The following RAB3GAP2 variants were observed in gnomAD, a reference collection of about 807,000 sequenced individuals.
RAB3GAP2 encodes the protein rab3 GTPase-activating protein non-catalytic subunit.
In RAB3GAP2, 87 loss-of-function variants were observed where a neutral mutation model predicts 185.3. The observed-to-expected ratio is 0.47, with a 90% confidence interval of 0.39 to 0.56. The LOEUF is 0.56. RAB3GAP2 is among the 20% of genes least tolerant of loss of function. RAB3GAP2 has a pLI of 0.00. For missense variants in RAB3GAP2, 1,492 were observed against 1,638.2 expected, an observed-to-expected ratio of 0.91 and a Z score of 1.54; for synonymous variants, 554 against 576.1, an observed-to-expected ratio of 0.96 and a Z score of 0.55.
In RAB3GAP2 at chr1:220,212,987, CAT is replaced by C; in HGVS notation, c.305-21_305-20del. The C allele has an allele frequency of 6.4e-7, 1 of 1,561,760 alleles. No individual in the cohort carries two copies. The highest frequency in any genetic ancestry group is 1.4e-5 in the African/African-American group (1 of 72,962). On this transcript the variant is annotated intron_variant, in intron 3 of 34. Transcript: ENST00000358951. ...CATTTTGCTGTAAGAATTAAGATAT[CAT>C]ATAAAATAATTTTAGCTATAATACA...
chr1:220,201,511 C>T (rs1658857329), intron 9 of RAB3GAP2, among the ~76,000 whole-genome samples: 1 of 151,874 alleles, frequency 6.6e-6, no homozygotes, highest in African/African-American at 2.4e-5. Context: ...TTTTGTTTTG[C>T]TTTCTTGAGA....
chr1:220,202,293 A>G lies in RAB3GAP2; in HGVS notation c.794T>C (p.Ile265Thr), dbSNP rs1364725538. 1 of 1,613,764 alleles carries G rather than the reference A, an allele frequency of 6.2e-7. No individual in the cohort carries two copies. The highest frequency in any genetic ancestry group is 1.7e-5 in the Admixed American group (1 of 60,004). ...ATACTTACCAACACTAGCATGATCA[A>G]TAATAGTGTCAATATCTTGTAGACC... The part of the protein sequence containing the change: ...KWGLQDIDTI[I>T]DHASVGIMTL... Residue 265 changes from isoleucine (I) to threonine (T), a missense_variant, in exon 9 of 35, where the codon ATT becomes ACT. By Grantham distance (89) the Ile-to-Thr change is moderately conservative. This residue lies in a region of RAB3GAP2 where 243 missense variants were observed against 314.8 expected (regional missense o/e 0.77). Transcript: ENST00000358951.
chr1:220,149,989 G>A lies in RAB3GAP2; in HGVS notation c.*1262C>T, dbSNP rs1657716019. 6.6e-6 allele frequency: 1 copy of A among 151,936 alleles called. No individual in the cohort carries two copies. Among genetic ancestry groups the A allele is most frequent in the Non-Finnish European group, 1.5e-5 (1 of 68,008 alleles). The allele number at this position is 151,936 out of a possible 1,614,324, so 9.4% of individuals were successfully genotyped here. A position where few individuals can be genotyped will look rare whatever the true frequency, so the allele number is the denominator to read the frequency against. ...ACTATGAATAATAATTGTGATCCAT[G>A]ACAGATACCCATAATTACACTGTAT... On this transcript the variant is annotated 3_prime_UTR_variant, in exon 35 of 35. Coordinates refer to ENST00000358951, the MANE Select transcript of RAB3GAP2 (RefSeq NM_012414.4).
chr1:220,202,122 G>A (rs1658872462), intron 9 of RAB3GAP2, among the ~76,000 whole-genome samples, 154 bp downstream of exon 9: 1 of 152,078 alleles, frequency 6.6e-6, no homozygotes, highest in Admixed American at 6.5e-5. Flanking sequence ...CTGAGATCAT[G>A]CCACTGCACT....
At chr1:220,266,915 G>C in intron 1 of RAB3GAP2, 1 of 1,588,816 alleles carries the variant, frequency 6.3e-7, no homozygotes, top group Non-Finnish European at 8.6e-7. Flanking sequence ...TAGGTCTCTT[G>C]GTATGTATTT....
At chr1:220,260,862 C>A (rs777764371) in intron 1 of RAB3GAP2, among the ~76,000 whole-genome samples, 4 of 152,128 alleles carry the variant, frequency 2.6e-5, no homozygotes, top group Non-Finnish European at 5.9e-5. Context: ...CCACTAGCAA[C>A]ATATGGCTTG....
chr1:220,221,003 G>A (rs996814307), intron 2 of RAB3GAP2, among the ~76,000 whole-genome samples: 6 of 152,168 alleles, frequency 3.9e-5, no homozygotes, highest in Non-Finnish European at 8.8e-5. Context: ...CTGCTGCTGG[G>A]CTAGGTGCAC....
intron 24 of RAB3GAP2, 47 bp from the exon 25 acceptor site, chr1:220,167,722 G>A: frequency 6.3e-7 from 1 of 1,583,564 alleles, no homozygotes; most frequent in South Asian, 1.1e-5. Context: ...CAACACACAG[G>A]GCAGTGTTTG....
At position 220,212,878 on chromosome 1, in the gene RAB3GAP2, G is replaced by A. The variant is rs1442643857; in HGVS notation, c.386+9C>T. On this transcript the variant is annotated intron_variant, in intron 4 of 34. Coordinates refer to ENST00000358951, the MANE Select transcript of RAB3GAP2 (RefSeq NM_012414.4). ...ACACACAGAGAAACAAAAATTAACT[G>A]GCACCTACCCTTCTTCGACATTTAA... 2 of 1,605,940 alleles carry A rather than the reference G, an allele frequency of 1.2e-6. No individual in the cohort carries two copies. The highest frequency in any genetic ancestry group is 2.2e-5 in the South Asian group (2 of 90,894).
chr1:220,272,094 G>C lies in RAB3GAP2; in HGVS notation c.115+129C>G. ...GCAGGGTGTCATCCCGGAGCGGAGG[G>C]GAGGCACGGGGAGAACTGGGGGTCC... On this transcript the variant is annotated intron_variant, in intron 1 of 34. Coordinates refer to ENST00000358951, the MANE Select transcript of RAB3GAP2 (RefSeq NM_012414.4). 3.8e-6 allele frequency: 3 copies of C among 789,142 alleles called. No homozygotes were observed. The South Asian group carries it at 4.4e-5, about 12-fold the overall frequency. 48.9% of individuals were successfully genotyped at this position (789,142 alleles called of 1,614,324 possible). A position where few individuals can be genotyped will look rare whatever the true frequency, so the allele number is the denominator to read the frequency against.
At chr1:220,166,886 T>C (rs1285334638) in intron 26 of RAB3GAP2, among the ~76,000 whole-genome samples, 1 of 152,232 alleles carries the variant, frequency 6.6e-6, no homozygotes, top group Admixed American at 6.5e-5. Flanking sequence ...AAGAATATTG[T>C]GTTCGGTTGG....
Position 220,172,668 on chromosome 1 carries a change from A to G in RAB3GAP2, c.2385T>C (p.His795=), listed in dbSNP as rs1658201752. The G allele has an allele frequency of 6.2e-7, 1 of 1,612,614 alleles. No individual in the cohort carries two copies. Among genetic ancestry groups the G allele is most frequent in the Admixed American group, 1.7e-5 (1 of 60,006 alleles). ...LDKPQSICCL[H]TMLSLLSKMK... ...TCTTGCTCAGGAGGGACAGCATGGT[A>G]TGAAGACAGCAGATTGACTGTGGTT... Residue 795 remains histidine, a synonymous_variant, in exon 22 of 35, where the codon CAT becomes CAC. Coordinates refer to ENST00000358951, the MANE Select transcript of RAB3GAP2 (RefSeq NM_012414.4).
At chr1:220,215,195 T>C (rs895682874) in intron 2 of RAB3GAP2, among the ~76,000 whole-genome samples, 3 of 151,982 alleles carry the variant, frequency 2.0e-5, no homozygotes, top group African/African-American at 7.2e-5. Flanking sequence ...AATTCCTCAG[T>C]TTGTGTGGAA....
At chr1:220,177,095 C>G (rs1382897793) in intron 21 of RAB3GAP2, among the ~76,000 whole-genome samples, 2 of 152,258 alleles carry the variant, frequency 1.3e-5, no homozygotes, top group African/African-American at 4.8e-5. Context: ...GGGATGCATA[C>G]CTGTCGGGGC....
chr1:220,187,655 T>C (rs886244815), intron 17 of RAB3GAP2, among the ~76,000 whole-genome samples: 3 of 152,124 alleles, frequency 2.0e-5, no homozygotes, highest in African/African-American at 7.2e-5. Context: ...GAAGAGCTTC[T>C]GGATAGCTGA....
chr1:220,207,217 G>A (rs1212494642), intron 7 of RAB3GAP2, among the ~76,000 whole-genome samples: 1 of 151,834 alleles, frequency 6.6e-6, no homozygotes, highest in African/African-American at 2.4e-5. Flanking sequence ...CCTTCAAGTG[G>A]GTCTGTTGGG....
chr1:220,191,608 C>T (rs889998166), intron 13 of RAB3GAP2, among the ~76,000 whole-genome samples: 1 of 151,922 alleles, frequency 6.6e-6, no homozygotes, highest in African/African-American at 2.4e-5. Context: ...CACCTGAGGT[C>T]AGGAGTTCGA....
At position 220,150,856 on chromosome 1, in the gene RAB3GAP2, GACTGTACATGA is replaced by G. The variant is rs899317321; in HGVS notation, c.*384_*394del. ...GGGTGTTCTATACGCTACTGATGGG[GACTGTACATGA>G]ACACATTTAAATTGAATTACAACAA... On this transcript the variant is annotated 3_prime_UTR_variant, in exon 35 of 35. Transcript: ENST00000358951. The G allele has an allele frequency of 2.0e-5, 4 of 204,824 alleles. No homozygotes were observed. Among genetic ancestry groups the G allele is most frequent in the Non-Finnish European group, 3.9e-5 (4 of 101,530 alleles). 12.7% of individuals were successfully genotyped at this position (204,824 alleles called of 1,614,324 possible).
At position 220,183,977 on chromosome 1, in the gene RAB3GAP2, A is replaced by G. The variant is rs1008900458; in HGVS notation, c.1998+59T>C. On this transcript the variant is annotated intron_variant, in intron 19 of 34. Transcript: ENST00000358951. ...TTTCTACTTCTTTACTACTAATTTT[A>G]AAAAGTAAAACTAATCAAAGAGATT... The G allele has an allele frequency of 1.9e-5, 25 of 1,349,874 alleles. No homozygotes were observed. The African/African-American group carries it at 3.7e-4, about 20-fold the overall frequency. 83.6% of individuals were successfully genotyped at this position (1,349,874 alleles called of 1,614,324 possible). A position where few individuals can be genotyped will look rare whatever the true frequency, so the allele number is the denominator to read the frequency against.
Sources: gnomAD v4.1 joint callset for allele counts (sites outside exome capture counted in the v4.1 genomes callset) on GRCh38, gnomAD v4.1.1 for gene constraint, gnomAD v4.1.1 regional missense constraint, MANE v1.5 for transcripts, NCBI Gene and HGNC (gene_info 2026-07-23, HGNC 2026-07-21) for gene names.